Variants in POLI observed in about 807,000 individuals in gnomAD.
POLI encodes the protein DNA polymerase iota.
A neutral mutation model predicts 51.6 loss-of-function variants in POLI; 58 were observed. That is an observed-to-expected ratio of 1.12 (90% CI 0.91 to 1.40). POLI has a LOEUF of 1.40. Ranked by LOEUF, POLI falls within the 40% of genes most tolerant of loss-of-function variation. POLI has a pLI of 0.00. For missense variants in POLI, 921 were observed against 871.3 expected, an observed-to-expected ratio of 1.06 and a Z score of -0.72; for synonymous variants, 322 against 299.7, an observed-to-expected ratio of 1.07 and a Z score of -0.77.
downstream of POLI, among the ~76,000 whole-genome samples, chr18:54,300,542 A>G (rs1202001351): frequency 6.6e-6 from 1 of 152,116 alleles, no homozygotes; most frequent in East Asian, 1.9e-4. Flanking sequence ...AAAAAGCTTA[A>G]AAGGAGAGAA....
intron 3 of POLI, among the ~76,000 whole-genome samples, chr18:54,316,218 A>G (rs1406834531): frequency 1.3e-5 from 2 of 152,102 alleles, no homozygotes; most frequent in African/African-American, 2.4e-5. Flanking sequence ...CCAGACATCT[A>G]TGCCTTTTAA....
chr18:54,294,510 A>G lies in POLI; in HGVS notation c.*43A>G, dbSNP rs2088203017. ...GTCTGAAAAGCAAGGGAATACCATT[A>G]TTTTCGGATTAGCGGTTTATTAAGC... On this transcript the variant is annotated 3_prime_UTR_variant, in exon 10 of 10. Coordinates refer to ENST00000579534, the MANE Select transcript of POLI (RefSeq NM_007195.3). 4 of 1,525,018 alleles carry G rather than the reference A, an allele frequency of 2.6e-6. No homozygotes were observed. Among genetic ancestry groups the G allele is most frequent in the Non-Finnish European group, 3.5e-6 (4 of 1,142,696 alleles). The allele number at this position is 1,525,018 out of a possible 1,614,324, so 94.5% of individuals were successfully genotyped here.
chr18:54,299,378 T>C (rs1248599978), downstream of POLI, among the ~76,000 whole-genome samples: 1 of 152,116 alleles, frequency 6.6e-6, no homozygotes, highest in Non-Finnish European at 1.5e-5. Context: ...GAGGTTGCAG[T>C]GAACCAAGAT....
In POLI at chr18:54,296,323, G is replaced by A. The variant is rs897343655; in HGVS notation, c.*1856G>A. Reference sequence around the variant, plus strand: ...TACATTTCATAGATTGAGAATGTACGGGCTATGTCACAGTTACGCTACTTA... The same window carrying A: ...TACATTTCATAGATTGAGAATGTACAGGCTATGTCACAGTTACGCTACTTA... On this transcript the variant is annotated 3_prime_UTR_variant, in exon 10 of 10. Transcript: ENST00000579534. 6.1e-6 allele frequency: 6 copies of A among 984,900 alleles called. No homozygotes were observed. Among genetic ancestry groups the A allele is most frequent in the African/African-American group, 5.2e-5 (3 of 57,324 alleles). The allele number at this position is 984,900 out of a possible 1,614,324, so 61.0% of individuals were successfully genotyped here. A position where few individuals can be genotyped will look rare whatever the true frequency, so the allele number is the denominator to read the frequency against.
At chr18:54,273,387 T>A (rs1182046840) in intron 2 of POLI, among the ~76,000 whole-genome samples, 1 of 69,856 alleles carries the variant, frequency 1.4e-5, no homozygotes. Flanking sequence ...TTTTCATCCG[T>A]TTTTTTTTTT....
intron 1 of POLI, chr18:54,269,876 C>T (rs998109781): frequency 2.3e-6 from 3 of 1,294,306 alleles, no homozygotes; most frequent in South Asian, 4.9e-5. Flanking sequence ...CGCGTCCACA[C>T]TACAAATACG....
chr18:54,307,253 A>G (rs2088601543), intron 3 of POLI, among the ~76,000 whole-genome samples: 1 of 152,214 alleles, frequency 6.6e-6, no homozygotes, highest in African/African-American at 2.4e-5. Context: ...CTCTATAGAC[A>G]CACTGCTTTA....
At chr18:54,282,423 C>G (rs964399074) in intron 5 of POLI, among the ~76,000 whole-genome samples, 1 of 152,138 alleles carries the variant, frequency 6.6e-6, no homozygotes, top group Admixed American at 6.5e-5. Flanking sequence ...CCCCCATTAT[C>G]TGCAGTTTCA....
rs778771682 is a variant in POLI, at chr18:54,293,787, A to G, written c.1543A>G (p.Ile515Val). Residue 515 changes from isoleucine to valine, a missense_variant, in exon 10 of 10, where the codon ATT becomes GTT. Physicochemically the swap from Ile to Val is conservative, Grantham distance 29. Coordinates refer to ENST00000579534, the MANE Select transcript of POLI (RefSeq NM_007195.3). The part of the protein sequence containing the change: ...DTTNFSKEKD[I>V]NEFPLCSLPE... Reference sequence around the variant, plus strand: ...CACAAATTTTTCTAAAGAAAAAGACATTAATGAATTCCCACTCTGTTCACT... The same window carrying G: ...CACAAATTTTTCTAAAGAAAAAGACGTTAATGAATTCCCACTCTGTTCACT... 16 of 1,606,436 alleles carry G rather than the reference A, an allele frequency of 1.0e-5. No individual in the cohort carries two copies. In the Admixed American group the frequency reaches 1.2e-4, roughly 12 times the overall value.
At chr18:54,298,560 G>A (rs908017224), downstream of POLI, among the ~76,000 whole-genome samples, 4 of 150,186 alleles carry the variant, frequency 2.7e-5, no homozygotes, top group Admixed American at 1.3e-4. Context: ...AACCCTGAAC[G>A]AAGACCAGAC....
chr18:54,320,413 T>C (rs1183035199), intron 4 of POLI: 2 of 152,220 alleles, frequency 1.3e-5, no homozygotes, highest in Non-Finnish European at 2.9e-5. Context: ...TGAAAAGACC[T>C]AATTATTCTT....
At chr18:54,278,048 CAT>C (rs2087329864) in intron 4 of POLI, among the ~76,000 whole-genome samples, 193 bp downstream of exon 4, 1 of 152,146 alleles carries the variant, frequency 6.6e-6, no homozygotes, top group Non-Finnish European at 1.5e-5. Flanking sequence ...ATTTTGATGA[CAT>C]GTAGCTCAAT....
At chr18:54,282,729 A>G (rs1014412058) in intron 5 of POLI, 108 bp from the exon 6 acceptor site, 16 of 662,466 alleles carry the variant, frequency 2.4e-5, no homozygotes, top group South Asian at 4.8e-5. Context: ...GGACTACTGT[A>G]TAAATTATAG....
At chr18:54,283,419 A>G (rs1350592162) in intron 6 of POLI, among the ~76,000 whole-genome samples, 1 of 152,146 alleles carries the variant, frequency 6.6e-6, no homozygotes, top group African/African-American at 2.4e-5. Context: ...TGCTTTAAAT[A>G]TGTTAGTCCA....
chr18:54,306,695 A>T (rs2088591665), intron 3 of POLI, among the ~76,000 whole-genome samples: 1 of 152,208 alleles, frequency 6.6e-6, no homozygotes, highest in Non-Finnish European at 1.5e-5. Context: ...CTGTGAATTC[A>T]TCTGTTCCTG....
Position 54,287,331 on chromosome 18 carries a change from G to A in POLI, c.1118G>A (p.Arg373Gln), listed in dbSNP as rs969095032. The change falls in exon 8 of 10, where the codon CGG becomes CAG. Residue 373 changes from arginine (R) to glutamine (Q), a missense_variant. Arg to Gln is a conservative substitution (Grantham distance 43, BLOSUM62 1). Transcript: ENST00000579534. ...CATACAGTGAGATTAATAATCCGTC[G>A]GTATTCCTCTGAGAAGCACTATGGT... ...KPHTVRLIIR[R>Q]YSSEKHYGRE... 6.9e-6 allele frequency: 11 copies of A among 1,591,098 alleles called. No individual in the cohort carries two copies. Among genetic ancestry groups the A allele is most frequent in the East Asian group, 2.3e-5 (1 of 44,398 alleles).
In POLI at chr18:54,304,855, A is replaced by C. The variant is rs542095388; in HGVS notation, c.334-15418A>C. ...CTTGCCCATGCCTATGTCCTGAATG[A>C]TATTGCCTAGGTTTTCTTCTAGGGT... On this transcript the variant is annotated intron_variant, in intron 3 of 4. Transcript: ENST00000579823. 1.6e-3 allele frequency among the ~76,000 whole-genome samples: 236 copies of C among 152,146 alleles called. 2 individuals carry two copies. The Middle Eastern group carries it at 0.017, about 11-fold the overall frequency.
chr18:54,287,374 C>T lies in POLI; in HGVS notation c.1161C>T (p.Cys387=). ...ACTATGGTCGTGAGAGTCGTCAGTGCCCTATTCCTTCACATGTAATTCAGA... is the reference window on the plus strand; with the variant it reads ...ACTATGGTCGTGAGAGTCGTCAGTGTCCTATTCCTTCACATGTAATTCAGA... ...EKHYGRESRQ[C]PIPSHVIQKL... is the part of the protein sequence containing the mutation. Residue 387 remains cysteine, a synonymous_variant, in exon 8 of 10, where the codon TGC becomes TGT. Transcript: ENST00000579534. 2 of 1,605,632 alleles carry T rather than the reference C, an allele frequency of 1.2e-6. No homozygotes were observed. The highest frequency in any genetic ancestry group is 1.7e-6 in the Non-Finnish European group (2 of 1,174,672).
intron 4 of POLI, among the ~76,000 whole-genome samples, chr18:54,278,592 C>G (rs2087356948): frequency 6.6e-6 from 1 of 152,190 alleles, no homozygotes; most frequent in Non-Finnish European, 1.5e-5. Flanking sequence ...GAATCTTCTC[C>G]AAGCTCCTAT....
Sources: gnomAD v4.1 joint callset for allele counts (sites outside exome capture counted in the v4.1 genomes callset) on GRCh38, gnomAD v4.1.1 for gene constraint, MANE v1.5 for transcripts, NCBI Gene and HGNC (gene_info 2026-07-23, HGNC 2026-07-21) for gene names.